The following REEP3 variants were observed in gnomAD, a reference collection of about 807,000 sequenced individuals.
REEP3 encodes the protein receptor expression-enhancing protein 3.
A neutral mutation model predicts 41.3 loss-of-function variants in REEP3; 20 were observed. The ratio of observed to expected loss-of-function variants is 0.48; its 90% CI spans 0.34 to 0.70. The LOEUF is 0.70. REEP3 is among the 30% of genes least tolerant of loss of function. The pLI, the probability that REEP3 is intolerant of heterozygous loss-of-function variation, is 0.01. For missense variants in REEP3, 271 were observed against 308.8 expected, an observed-to-expected ratio of 0.88 and a Z score of 0.92; for synonymous variants, 104 against 101.8, an observed-to-expected ratio of 1.02 and a Z score of -0.13.
intron 2 of REEP3, among the ~76,000 whole-genome samples, chr10:63,587,282 C>G (rs1956016815): frequency 1.3e-5 from 2 of 152,212 alleles, no homozygotes; most frequent in African/African-American, 4.8e-5. Context: ...CAAAATACTT[C>G]CCTGAGGATA....
intron 1 of REEP3, among the ~76,000 whole-genome samples, chr10:63,527,270 A>C (rs569323360): frequency 4.6e-5 from 7 of 152,080 alleles, no homozygotes; most frequent in Admixed American, 1.3e-4. Context: ...CAGCATACCA[A>C]CATGCTATTA....
intron 1 of REEP3, among the ~76,000 whole-genome samples, chr10:63,536,484 A>C (rs531587837): frequency 6.6e-6 from 1 of 152,324 alleles, no homozygotes; most frequent in Non-Finnish European, 1.5e-5. Flanking sequence ...GCTAATTAGA[A>C]ACTCATATTG....
At chr10:63,581,005 C>G (rs867104127) in intron 2 of REEP3, among the ~76,000 whole-genome samples, 2 of 152,266 alleles carry the variant, frequency 1.3e-5, no homozygotes, top group Middle Eastern at 3.4e-3. Context: ...GAGTGAGACC[C>G]TGCCTCTAAA....
intron 2 of REEP3, among the ~76,000 whole-genome samples, 151 bp downstream of exon 2, chr10:63,566,561 C>A (rs181674109): frequency 6.6e-6 from 1 of 152,158 alleles, no homozygotes; most frequent in Admixed American, 6.5e-5. Context: ...TTTTTAAAAT[C>A]TTTGAAGATA....
chr10:63,610,104 T>C, intron 5 of REEP3, 83 bp from the exon 6 acceptor site: 1 of 1,202,074 alleles, frequency 8.3e-7, no homozygotes, highest in Non-Finnish European at 1.2e-6. Context: ...TTTCTGAAGT[T>C]ATCTTAATAA....
At chr10:63,549,474 A>AG (rs144123886) in intron 1 of REEP3, among the ~76,000 whole-genome samples, 5,606 of 152,300 alleles carry the variant, frequency 0.037, 338 homozygotes, top group East Asian at 0.28. Flanking sequence ...AGGCTGAGGC[A>AG]GGAGGATCCC....
At chr10:63,552,556 T>C (rs972925081) in intron 1 of REEP3, among the ~76,000 whole-genome samples, 1 of 152,232 alleles carries the variant, frequency 6.6e-6, no homozygotes, top group South Asian at 2.1e-4. Context: ...TAGCATTGCA[T>C]CTTATTGTCA....
chr10:63,575,375 G>A (rs1183294037), intron 2 of REEP3, among the ~76,000 whole-genome samples: 2 of 152,128 alleles, frequency 1.3e-5, no homozygotes, highest in Admixed American at 6.5e-5. Context: ...GCATGAGTCC[G>A]TTATAGTCAA....
rs554298578 is a variant in REEP3 at position 63,533,080 on chromosome 10, A to G, written c.32+11503A>G. On this transcript the variant is annotated intron_variant, in intron 1 of 7. Transcript: ENST00000373758. ...ACTTTATAACGTCTAAAATTGTTCA[A>G]CTTTGAAACTGCCAACATCATGAGT... Among the ~76,000 whole-genome samples, 3 of 152,340 alleles carry G rather than the reference A, an allele frequency of 2.0e-5. No individual in the cohort carries two copies. The East Asian group carries it at 5.8e-4, about 29-fold the overall frequency.
At chr10:63,610,914 C>T (rs1202324643) in intron 6 of REEP3, among the ~76,000 whole-genome samples, 1 of 151,694 alleles carries the variant, frequency 6.6e-6, no homozygotes, top group Non-Finnish European at 1.5e-5. Context: ...ACTAACAATA[C>T]AAAAAAAATT....
chr10:63,583,909 T>C (rs1157557770), intron 2 of REEP3, among the ~76,000 whole-genome samples: 24 of 152,218 alleles, frequency 1.6e-4, no homozygotes, highest in Admixed American at 1.6e-3. Context: ...TAAATTCTGC[T>C]CCTGGGAACA....
intron 2 of REEP3, among the ~76,000 whole-genome samples, chr10:63,577,656 G>A (rs2133385596): frequency 1.3e-5 from 2 of 150,408 alleles, no homozygotes; most frequent in Middle Eastern, 6.9e-3. Flanking sequence ...CTGTTCTTGA[G>A]CTCCCGGGTC....
chr10:63,596,272 G>T (rs972399971), intron 3 of REEP3, among the ~76,000 whole-genome samples: 1 of 151,654 alleles, frequency 6.6e-6, no homozygotes, highest in Admixed American at 6.6e-5. Flanking sequence ...ATAGGGGTTT[G>T]GTTGTGGGGG....
chr10:63,591,367 C>G (rs945419996), intron 2 of REEP3, among the ~76,000 whole-genome samples: 3 of 151,730 alleles, frequency 2.0e-5, no homozygotes, highest in African/African-American at 7.3e-5. Flanking sequence ...TAATTTTTGC[C>G]TGTATTCAAC....
chr10:63,565,132 C>A (rs2133374519), intron 1 of REEP3, among the ~76,000 whole-genome samples: 1 of 152,118 alleles, frequency 6.6e-6, no homozygotes, highest in African/African-American at 2.4e-5. Flanking sequence ...TAGTGGCACA[C>A]ACCTGTAATC....
At chr10:63,610,963 T>A (rs1956273460) in intron 6 of REEP3, among the ~76,000 whole-genome samples, 1 of 152,154 alleles carries the variant, frequency 6.6e-6, no homozygotes, top group African/African-American at 2.4e-5. Flanking sequence ...TCTCAGCTAC[T>A]TGGGAGGCTG....
intron 2 of REEP3, among the ~76,000 whole-genome samples, chr10:63,593,253 A>G (rs916270054): frequency 6.6e-6 from 1 of 152,176 alleles, no homozygotes; most frequent in Non-Finnish European, 1.5e-5. Context: ...TCAATTTCCC[A>G]GTTATATATA....
intron 1 of REEP3, among the ~76,000 whole-genome samples, chr10:63,539,701 C>T (rs1416986894): frequency 5.9e-5 from 9 of 152,136 alleles, no homozygotes; most frequent in Non-Finnish European, 1.0e-4. Flanking sequence ...GTCATAGAGA[C>T]GCTTTGGGTT....
chr10:63,562,682 G>A (rs539065970), intron 1 of REEP3: 99 of 453,032 alleles, frequency 2.2e-4, no homozygotes, highest in Middle Eastern at 3.2e-4. Flanking sequence ...AAGCCACCAG[G>A]CATGTACTGC....
Sources: allele counts gnomAD v4.1 joint callset (sites outside exome capture counted in the v4.1 genomes callset), GRCh38; gene constraint gnomAD v4.1.1; transcripts MANE v1.5; gene names NCBI Gene and HGNC (gene_info 2026-07-23, HGNC 2026-07-21).